The following NBEAL1 variants were observed in gnomAD, a reference collection of about 807,000 sequenced individuals.
The protein encoded by NBEAL1 is neurobeachin-like protein 1.
In NBEAL1, 273 loss-of-function variants were observed where a neutral mutation model predicts 351.3. The observed-to-expected ratio is 0.78, with a 90% CI of 0.70 to 0.86. The LOEUF (loss-of-function observed/expected upper bound fraction) is 0.86. NBEAL1 is among the 40% of genes least tolerant of loss of function. The pLI is 0.00. For missense variants in NBEAL1, 2,961 were observed against 3,201.3 expected, an observed-to-expected ratio of 0.92 and a Z score of 1.81; for synonymous variants, 1,050 against 1,086.4, an observed-to-expected ratio of 0.97 and a Z score of 0.66.
chr2:203,189,880 A>G (rs1295673435), intron 45 of NBEAL1, among the ~76,000 whole-genome samples: 1 of 151,686 alleles, frequency 6.6e-6, no homozygotes, highest in Admixed American at 6.6e-5. Flanking sequence ...TCACGCCTGT[A>G]ATCCCAGCAC....
intron 6 of NBEAL1, among the ~76,000 whole-genome samples, chr2:203,064,390 A>G (rs977400108): frequency 6.6e-6 from 1 of 152,166 alleles, no homozygotes; most frequent in African/African-American, 2.4e-5. Context: ...ACGATTACTT[A>G]TTACTTGTAA....
At chr2:203,128,115 C>T (rs548403330) in intron 24 of NBEAL1, among the ~76,000 whole-genome samples, 178 bp downstream of exon 24, 16 of 151,002 alleles carry the variant, frequency 1.1e-4, no homozygotes, top group Middle Eastern at 3.4e-3. Flanking sequence ...GATGGAGTCT[C>T]GCTCTGTCAC....
chr2:203,113,101 T>C lies in NBEAL1; in HGVS notation c.2289T>C (p.Ser763=). 6.4e-7 allele frequency: 1 copy of C among 1,552,060 alleles called. No individual in the cohort carries two copies. The highest frequency in any genetic ancestry group is 8.7e-7 in the Non-Finnish European group (1 of 1,146,974). The change falls in exon 17 of 56, where the codon TCT becomes TCC. Residue 763 remains serine, a synonymous_variant. Coordinates refer to ENST00000683969, the MANE Select transcript of NBEAL1 (RefSeq NM_001378026.1). Reference sequence around the variant, plus strand: ...AAATCCCAGATCCACCTTTCTCTTCTCCCATTACCCCTCATCGGACATCAT... The same window carrying C: ...AAATCCCAGATCCACCTTTCTCTTCCCCCATTACCCCTCATCGGACATCAT... ...PSQIPDPPFS[S]PITPHRTSFG... is the part of the protein sequence containing the mutation.
Position 203,126,846 on chromosome 2 carries a change from C to T in NBEAL1, c.3168C>T (p.Thr1056=). The T allele has an allele frequency of 2.6e-6, 4 of 1,552,196 alleles. No individual in the cohort carries two copies. The highest frequency in any genetic ancestry group is 3.5e-6 in the Non-Finnish European group (4 of 1,146,974). The change falls in exon 23 of 56, where the codon ACC becomes ACT. Residue 1056 remains threonine (T), a synonymous_variant. Transcript: ENST00000683969. The part of the protein sequence containing the change: ...FRIGHIQYLS[T]IIKDSRRVFR... ...TAGGTCACATACAGTATCTTTCAAC[C>T]ATCATTAAAGACAGCAGGAGAGTTT...
intron 10 of NBEAL1, among the ~76,000 whole-genome samples, chr2:203,091,931 A>G (rs542193654): frequency 2.1e-4 from 32 of 152,130 alleles, no homozygotes; most frequent in Non-Finnish European, 3.7e-4. Context: ...AAGATATTTC[A>G]TTATTTTCAT....
chr2:203,068,475 CG>C lies in NBEAL1; in HGVS notation c.598+1del. ...AGTGGAATTCGTCCCTTTCTTTTAT[CG>C]TAAGTAACACCTCTAATTTCTCTTG... On this transcript the variant is annotated splice_donor_variant, in intron 7 of 55. Coordinates refer to ENST00000683969, the MANE Select transcript of NBEAL1 (RefSeq NM_001378026.1). LOFTEE classifies it high-confidence loss of function. 2.6e-6 allele frequency: 4 copies of C among 1,514,790 alleles called. No individual in the cohort carries two copies. Among genetic ancestry groups the C allele is most frequent in the Non-Finnish European group, 3.6e-6 (4 of 1,114,736 alleles). 93.8% of individuals were successfully genotyped at this position (1,514,790 alleles called of 1,614,324 possible).
At chr2:203,138,357 G>A in intron 30 of NBEAL1, 42 bp downstream of exon 30, 1 of 1,568,606 alleles carries the variant, frequency 6.4e-7, no homozygotes, top group Non-Finnish European at 8.6e-7. Flanking sequence ...GGGTAGTTAA[G>A]AACTTTATTC....
rs765288289 is a variant in NBEAL1, at chr2:203,149,094, G to A, written c.5408G>A (p.Arg1803His). The change falls in exon 34 of 56, where the codon CGC becomes CAC. Residue 1803 changes from arginine to histidine, a missense_variant. Coordinates refer to ENST00000683969, the MANE Select transcript of NBEAL1 (RefSeq NM_001378026.1). Reference sequence around the variant, plus strand: ...AGTCAACAGTTAGCCACTCTTAGACGCTGGAAAGCAATACAGCTCTATCTT... The same window carrying A: ...AGTCAACAGTTAGCCACTCTTAGACACTGGAAAGCAATACAGCTCTATCTT... ...LSSQQLATLR[R>H]WKAIQLYLTC... 4.9e-5 allele frequency: 79 copies of A among 1,612,156 alleles called. No homozygotes were observed. Among genetic ancestry groups the A allele is most frequent in the Non-Finnish European group, 6.1e-5 (72 of 1,178,812 alleles).
chr2:203,158,585 G>T (rs1457091011), intron 36 of NBEAL1, among the ~76,000 whole-genome samples: 1 of 151,996 alleles, frequency 6.6e-6, no homozygotes, highest in South Asian at 2.1e-4. Flanking sequence ...ACATTTCTTT[G>T]TATAAGTTCA....
At chr2:203,118,780 G>C (rs2062757225) in intron 18 of NBEAL1, among the ~76,000 whole-genome samples, 1 of 151,952 alleles carries the variant, frequency 6.6e-6, no homozygotes, top group South Asian at 2.1e-4. Flanking sequence ...TGGTAGATGG[G>C]GTTTCACCAT....
At chr2:203,208,810 A>T in intron 52 of NBEAL1, 57 bp downstream of exon 52, 2 of 1,315,156 alleles carry the variant, frequency 1.5e-6, no homozygotes, top group Non-Finnish European at 2.1e-6. Context: ...TATTACCAAC[A>T]CTTATAACTA....
chr2:203,085,305 G>T (rs1320091774), intron 10 of NBEAL1: 8 of 152,152 alleles, frequency 5.3e-5, no homozygotes, highest in African/African-American at 1.9e-4. Context: ...GGCCAGGATG[G>T]TCTCCATCTC....
At chr2:203,032,473 C>T (rs527833392) in intron 2 of NBEAL1, among the ~76,000 whole-genome samples, 1 of 151,346 alleles carries the variant, frequency 6.6e-6, no homozygotes, top group Non-Finnish European at 1.5e-5. Flanking sequence ...CTGGCTAACA[C>T]GGTGAAACCC....
chr2:203,057,348 A>T lies in NBEAL1; in HGVS notation c.410A>T (p.Lys137Met). ...CAGTTAAAAAGCAAAAAAAAAGAGA[A>T]GGAAATGGCAGATCAGACATGTATT... ...IQQLKSKKKE[K>M]EMADQTCIEE... Residue 137 changes from lysine to methionine, a missense_variant, in exon 6 of 56, where the codon AAG becomes ATG. Coordinates refer to ENST00000683969, the MANE Select transcript of NBEAL1 (RefSeq NM_001378026.1). 1 of 1,549,784 alleles carries T rather than the reference A, an allele frequency of 6.5e-7. No homozygotes were observed. The highest frequency in any genetic ancestry group is 8.7e-7 in the Non-Finnish European group (1 of 1,145,676).
intron 19 of NBEAL1, among the ~76,000 whole-genome samples, chr2:203,123,072 A>G (rs1419789371): frequency 6.6e-6 from 1 of 151,680 alleles, no homozygotes; most frequent in African/African-American, 2.4e-5. Flanking sequence ...GATAATTATA[A>G]GAGGGCTTGC....
At chr2:203,058,725 G>A (rs769351089) in intron 6 of NBEAL1, among the ~76,000 whole-genome samples, 2 of 152,216 alleles carry the variant, frequency 1.3e-5, no homozygotes, top group Non-Finnish European at 2.9e-5. Context: ...TTTCTTCCAC[G>A]CTTCATCTGG....
intron 36 of NBEAL1, among the ~76,000 whole-genome samples, chr2:203,162,534 G>C (rs1338395609): frequency 6.6e-6 from 1 of 151,844 alleles, no homozygotes; most frequent in Non-Finnish European, 1.5e-5. Context: ...CTTGAGCTCA[G>C]GATCTCCAGA....
chr2:203,029,592 C>T (rs557438242), intron 2 of NBEAL1, among the ~76,000 whole-genome samples: 1 of 150,676 alleles, frequency 6.6e-6, no homozygotes, highest in South Asian at 2.1e-4. Context: ...CTCAGGAGGC[C>T]GAAGTGGGAG....
At chr2:203,206,654 C>T (rs1365075360) in intron 51 of NBEAL1, among the ~76,000 whole-genome samples, 4 of 151,926 alleles carry the variant, frequency 2.6e-5, no homozygotes, top group Admixed American at 2.0e-4. Flanking sequence ...CTCCTGACCG[C>T]GAGTGATCCG....
Sources: allele counts gnomAD v4.1 joint callset (sites outside exome capture counted in the v4.1 genomes callset), GRCh38; gene constraint gnomAD v4.1.1; transcripts MANE v1.5; gene names NCBI Gene and HGNC (gene_info 2026-07-23, HGNC 2026-07-21).